The following CCDC13 variants were observed in gnomAD, a reference collection of about 807,000 sequenced individuals.
The protein encoded by CCDC13 is coiled-coil domain containing 13, also known as coiled-coil domain-containing protein 13.
CCDC13 carries 70 observed loss-of-function variants against 87.3 expected under a neutral mutation model. The observed-to-expected ratio is 0.80, with a 90% CI of 0.66 to 0.98. CCDC13 has a LOEUF of 0.98. Among genes scored for constraint, CCDC13 ranks in the 50% least tolerant of loss-of-function variants. The pLI, the probability that CCDC13 is intolerant of heterozygous loss-of-function variation, is 0.00. For missense variants in CCDC13, 842 were observed against 892.0 expected, an observed-to-expected ratio of 0.94 and a Z score of 0.71; for synonymous variants, 317 against 360.3, an observed-to-expected ratio of 0.88 and a Z score of 1.36.
chr3:42,755,652 C>T (rs1699687482), intron 3 of CCDC13, among the ~76,000 whole-genome samples: 1 of 152,206 alleles, frequency 6.6e-6, no homozygotes, highest in Non-Finnish European at 1.5e-5. Flanking sequence ...CAGATTTTCT[C>T]TCCAAAACGT....
At chr3:42,770,071 G>A (rs534668006) in intron 1 of CCDC13, among the ~76,000 whole-genome samples, 82 of 152,364 alleles carry the variant, frequency 5.4e-4, no homozygotes, top group South Asian at 1.4e-3. Context: ...GGGACTGGCC[G>A]GCACCTCCGC....
chr3:42,763,477 C>T (rs571622025), intron 1 of CCDC13, among the ~76,000 whole-genome samples: 1 of 150,728 alleles, frequency 6.6e-6, no homozygotes, highest in South Asian at 2.1e-4. Flanking sequence ...AACAGTCAAA[C>T]TCTGTAAAAT....
intron 9 of CCDC13, 93 bp from the exon 10 acceptor site, chr3:42,736,006 G>T (rs368561718): frequency 2.4e-6 from 3 of 1,228,902 alleles, no homozygotes. Flanking sequence ...CCCAAAGCAG[G>T]CTGCAGGAAC....
At chr3:42,762,674 G>A (rs970043718) in intron 1 of CCDC13, among the ~76,000 whole-genome samples, 6 of 152,200 alleles carry the variant, frequency 3.9e-5, no homozygotes, top group African/African-American at 1.4e-4. Context: ...TGCACCTGGT[G>A]TCTCCTGGAC....
At chr3:42,772,051 C>T (rs1331289784) in intron 1 of CCDC13, among the ~76,000 whole-genome samples, 1 of 151,822 alleles carries the variant, frequency 6.6e-6, no homozygotes, top group Non-Finnish European at 1.5e-5. Context: ...GTGGGTGGAT[C>T]ACCTGAGGTC....
intron 1 of CCDC13, chr3:42,770,905 G>A (rs1282658129): frequency 2.0e-5 from 3 of 152,270 alleles, no homozygotes; most frequent in African/African-American, 7.2e-5. Flanking sequence ...CTTGACATCA[G>A]AAGGAAGAAA....
At position 42,730,539 on chromosome 3, in the gene CCDC13, A is replaced by G. The variant is rs1698800095; in HGVS notation, c.1646T>C (p.Ile549Thr). ...CTCGGCAGCCTGCCAGAGGGCCTTG[A>G]TCTCTGACACTTGTGCCTGCCAGCC... Reference protein sequence around the residue: ...QKGWQAQVSEIKALWQAAEVE... With the variant: ...QKGWQAQVSETKALWQAAEVE... The change falls in exon 13 of 16, where the codon ATC becomes ACC. Residue 549 changes from isoleucine (I) to threonine (T), a missense_variant. Physicochemically the swap from Ile to Thr is moderately conservative, Grantham distance 89. Coordinates refer to ENST00000310232, the MANE Select transcript of CCDC13 (RefSeq NM_144719.4). 1 of 1,613,978 alleles carries G rather than the reference A, an allele frequency of 6.2e-7. No individual in the cohort carries two copies. The highest frequency in any genetic ancestry group is 8.5e-7 in the Non-Finnish European group (1 of 1,179,994).
intron 3 of CCDC13, among the ~76,000 whole-genome samples, chr3:42,753,603 A>G (rs1466607987): frequency 6.6e-6 from 1 of 152,200 alleles, no homozygotes; most frequent in Non-Finnish European, 1.5e-5. Flanking sequence ...AGTGCTAGGA[A>G]ATACACTGGA....
intron 8 of CCDC13, 23 bp downstream of exon 8, chr3:42,742,873 T>G (rs764203037): frequency 6.2e-7 from 1 of 1,613,196 alleles, no homozygotes; most frequent in Admixed American, 1.7e-5. Flanking sequence ...CATGCCCAGC[T>G]GACCTCCTCA....
At chr3:42,732,991 C>G in intron 11 of CCDC13, 21 bp from the exon 12 acceptor site, 1 of 1,547,650 alleles carries the variant, frequency 6.5e-7, no homozygotes, top group East Asian at 2.4e-5. Flanking sequence ...GCGGAAGGGG[C>G]CCATCAGCCT....
At chr3:42,717,670 AATTT>A (rs1291114785) in intron 13 of CCDC13, among the ~76,000 whole-genome samples, 1 of 152,192 alleles carries the variant, frequency 6.6e-6, no homozygotes, top group Non-Finnish European at 1.5e-5. Flanking sequence ...ATACCACACA[AATTT>A]ATTATTTCAC....
Position 42,708,368 on chromosome 3 carries a change from C to T in CCDC13, c.*612G>A, listed in dbSNP as rs1340832415. The T allele has an allele frequency of 6.6e-6, 1 of 152,188 alleles. No homozygotes were observed. The highest frequency in any genetic ancestry group is 1.5e-5 in the Non-Finnish European group (1 of 68,048). The allele number at this position is 152,188 out of a possible 1,614,324, so 9.4% of individuals were successfully genotyped here. ...GGGTCAGGTTGCCACAGTAGATGCT[C>T]ACTCACTGGGAGCTGCAGTGATTAT... On this transcript the variant is annotated 3_prime_UTR_variant, in exon 16 of 16. Transcript: ENST00000310232.
rs538827356 is a variant in CCDC13, at chr3:42,706,940, C to T, written c.*2040G>A. On this transcript the variant is annotated 3_prime_UTR_variant, in exon 16 of 16. Transcript: ENST00000310232. Reference sequence around the variant, plus strand: ...TGGTAAGTGGGGAGAGAAGTATGCCCCAGGCAGCCCCACCTGTCCAGACTC... The same window carrying T: ...TGGTAAGTGGGGAGAGAAGTATGCCTCAGGCAGCCCCACCTGTCCAGACTC... Among the ~76,000 whole-genome samples the T allele has an allele frequency of 1.3e-5, 2 of 152,272 alleles. No homozygotes were observed. The highest frequency in any genetic ancestry group is 3.9e-4 in the East Asian group (2 of 5,176).
At chr3:42,713,337 G>C in intron 13 of CCDC13, 21 bp from the exon 14 acceptor site, 1 of 1,612,346 alleles carries the variant, frequency 6.2e-7, no homozygotes. Context: ...GAGAGGAGGG[G>C]ATGCTACATG....
downstream of CCDC13, chr3:42,704,950 G>A (rs1464029176): frequency 6.6e-6 from 1 of 152,208 alleles, no homozygotes; most frequent in African/African-American, 2.4e-5. Flanking sequence ...AAAATGCGAG[G>A]AAAGTATCCT....
chr3:42,769,866 T>A (rs1290137732), intron 1 of CCDC13, among the ~76,000 whole-genome samples: 1 of 152,254 alleles, frequency 6.6e-6, no homozygotes, highest in Non-Finnish European at 1.5e-5. Flanking sequence ...CAGCAGCTGC[T>A]GTGCTCAATT....
intron 7 of CCDC13, 68 bp from the exon 8 acceptor site, chr3:42,743,125 T>TAGG: frequency 6.4e-7 from 1 of 1,574,636 alleles, no homozygotes; most frequent in Non-Finnish European, 8.7e-7. Flanking sequence ...AGAAGTGTGA[T>TAGG]AGGAGACCCC....
chr3:42,770,160 T>G (rs1700034439), intron 1 of CCDC13, among the ~76,000 whole-genome samples: 1 of 152,240 alleles, frequency 6.6e-6, no homozygotes, highest in African/African-American at 2.4e-5. Context: ...AACCTTTGTG[T>G]CTAGCTAAGG....
chr3:42,718,165 A>G (rs1486596871), intron 13 of CCDC13: 1 of 152,206 alleles, frequency 6.6e-6, no homozygotes, highest in Non-Finnish European at 1.5e-5. Flanking sequence ...ATAGGAGGTC[A>G]GCACAAGATA....
Sources: allele counts gnomAD v4.1 joint callset (sites outside exome capture counted in the v4.1 genomes callset), GRCh38; gene constraint gnomAD v4.1.1; transcripts MANE v1.5; gene names NCBI Gene and HGNC (gene_info 2026-07-23, HGNC 2026-07-21).